NRG4: variants seen among roughly 807,000 people sequenced by gnomAD.
The protein encoded by NRG4 is pro-neuregulin-4, membrane-bound isoform.
In NRG4, 10 loss-of-function variants were observed where a neutral mutation model predicts 15.0. The observed-to-expected ratio is 0.67, with a 90% confidence interval of 0.41 to 1.13. The LOEUF is 1.13. Ranked by LOEUF, NRG4 falls within the 50% of genes most tolerant of loss-of-function variation. The pLI is 0.00. For missense variants in NRG4, 139 were observed against 140.2 expected (o/e 0.99, Z 0.04); for synonymous variants, 41 against 50.1 (o/e 0.82, Z 0.77).
At chr15:75,971,983 A>G (rs76129564) in intron 3 of NRG4, among the ~76,000 whole-genome samples, 9,479 of 152,202 alleles carry the variant, frequency 0.062, 617 homozygotes, top group African/African-American at 0.17. Flanking sequence ...ATACTCCCAC[A>G]AATAGTGTAA....
intron 3 of NRG4, among the ~76,000 whole-genome samples, chr15:75,984,263 C>T (rs183128013): frequency 6.1e-4 from 93 of 152,064 alleles, no homozygotes; most frequent in Admixed American, 5.5e-3. Flanking sequence ...GTGTTGATAA[C>T]GGGGGAGGCC....
chr15:75,967,456 A>T (rs1238602732), intron 3 of NRG4, among the ~76,000 whole-genome samples: 10 of 100,178 alleles, frequency 1.0e-4, no homozygotes, highest in Admixed American at 1.3e-4. Context: ...AAAATCTTAG[A>T]TTTTTTTTTT....
intron 5 of NRG4, among the ~76,000 whole-genome samples, chr15:75,946,524 A>AT (rs975158542): frequency 2.4e-4 from 37 of 151,550 alleles, no homozygotes; most frequent in Non-Finnish European, 3.8e-4. Flanking sequence ...CGCCTGGCTA[A>AT]TTTTTTTTGT....
intron 3 of NRG4, among the ~76,000 whole-genome samples, chr15:75,971,934 G>A (rs1484487196): frequency 1.3e-5 from 2 of 152,148 alleles, no homozygotes; most frequent in Non-Finnish European, 2.9e-5. Flanking sequence ...GATTCTTGAG[G>A]AATCCCCACA....
chr15:75,945,305 A>G (rs2141766381), intron 5 of NRG4, among the ~76,000 whole-genome samples: 1 of 150,138 alleles, frequency 6.7e-6, no homozygotes, highest in East Asian at 1.9e-4. Flanking sequence ...TTTGTCACCC[A>G]GGCAGAGGCA....
intron 5 of NRG4, among the ~76,000 whole-genome samples, chr15:76,034,837 C>CCCA (rs1245493488): frequency 1.3e-5 from 2 of 152,070 alleles, no homozygotes; most frequent in Non-Finnish European, 2.9e-5. Context: ...GAACTGCATC[C>CCCA]CCACCACCAC....
intron 3 of NRG4, among the ~76,000 whole-genome samples, chr15:76,004,559 A>G (rs2034529345): frequency 1.3e-5 from 2 of 150,514 alleles, no homozygotes; most frequent in African/African-American, 4.9e-5. Context: ...AGATCACGCC[A>G]TTGCACTCCA....
intron 5 of NRG4, among the ~76,000 whole-genome samples, chr15:75,955,033 G>T (rs532223310): frequency 5.3e-5 from 8 of 152,010 alleles, no homozygotes; most frequent in Non-Finnish European, 1.2e-4. Context: ...GCCTCAGTGG[G>T]AACAGACACT....
intron 5 of NRG4, among the ~76,000 whole-genome samples, chr15:76,019,941 G>C (rs1001773129): frequency 2.6e-5 from 4 of 152,124 alleles, no homozygotes; most frequent in Non-Finnish European, 5.9e-5. Context: ...TGGCAACCCT[G>C]TGTCTGTTGG....
At chr15:75,970,076 C>T (rs2033019959) in intron 3 of NRG4, among the ~76,000 whole-genome samples, 1 of 152,184 alleles carries the variant, frequency 6.6e-6, no homozygotes, top group South Asian at 2.1e-4. Context: ...ATGCAGAACT[C>T]TTATCTAATA....
chr15:76,029,936 A>G (rs2035427429), intron 5 of NRG4, among the ~76,000 whole-genome samples: 1 of 152,156 alleles, frequency 6.6e-6, no homozygotes, highest in Non-Finnish European at 1.5e-5. Context: ...AAAAGACTCA[A>G]AACAGATAAA....
chr15:76,018,483 G>A (rs974221015), intron 5 of NRG4, among the ~76,000 whole-genome samples: 3 of 152,166 alleles, frequency 2.0e-5, no homozygotes, highest in Non-Finnish European at 4.4e-5. Context: ...TTTGGCCTTT[G>A]ATGTTGTGAC....
intron 3 of NRG4, among the ~76,000 whole-genome samples, chr15:76,002,873 C>T (rs1280361413): frequency 6.6e-6 from 1 of 152,058 alleles, no homozygotes; most frequent in Non-Finnish European, 1.5e-5. Flanking sequence ...ATCTACCATC[C>T]TACTTGAAGA....
chr15:76,020,080 G>A (rs1457881234), intron 5 of NRG4, among the ~76,000 whole-genome samples: 2 of 152,116 alleles, frequency 1.3e-5, no homozygotes, highest in Non-Finnish European at 2.9e-5. Flanking sequence ...GATCTTTGAT[G>A]TTACTATTGT....
At chr15:76,028,242 C>T (rs1041334216) in intron 5 of NRG4, among the ~76,000 whole-genome samples, 5 of 150,870 alleles carry the variant, frequency 3.3e-5, no homozygotes, top group African/African-American at 1.2e-4. Flanking sequence ...AAAAGATAAA[C>T]AAAATTGACA....
At chr15:76,045,793 G>A (rs934204883) in intron 4 of NRG4, among the ~76,000 whole-genome samples, 1 of 150,796 alleles carries the variant, frequency 6.6e-6, no homozygotes, top group African/African-American at 2.5e-5. Flanking sequence ...GGTGGAGCAG[G>A]GGGCTGGTTG....
At chr15:75,971,223 T>C in intron 3 of NRG4, 1 of 455,988 alleles carries the variant, frequency 2.2e-6, no homozygotes, top group Non-Finnish European at 4.4e-6. Context: ...ATCTATTGGT[T>C]CCCTCATTAA....
intron 5 of NRG4, among the ~76,000 whole-genome samples, chr15:75,944,561 G>A (rs569565591): frequency 6.6e-6 from 1 of 152,326 alleles, no homozygotes; most frequent in African/African-American, 2.4e-5. Context: ...GCTTGATGGT[G>A]TGGTGGCAGG....
intron 3 of NRG4, among the ~76,000 whole-genome samples, chr15:75,974,674 G>A (rs1215582906): frequency 6.6e-6 from 1 of 152,164 alleles, no homozygotes; most frequent in Non-Finnish European, 1.5e-5. Flanking sequence ...GGCTTTGAGT[G>A]AGTTTCTTAA....
Sources: gnomAD v4.1 joint callset for allele counts (sites outside exome capture counted in the v4.1 genomes callset) on GRCh38, gnomAD v4.1.1 for gene constraint, MANE v1.5 for transcripts, NCBI Gene and HGNC (gene_info 2026-07-23, HGNC 2026-07-21) for gene names.